Variants in MUCL1 observed in about 807,000 individuals in gnomAD.
The protein encoded by MUCL1 is mucin like 1.
MUCL1 carries 11 observed loss-of-function variants against 9.2 expected under a neutral mutation model. That is an observed-to-expected ratio of 1.19 (90% confidence interval 0.75 to 1.97). The LOEUF (loss-of-function observed/expected upper bound fraction) is 1.97. MUCL1 is among the 30% of genes most tolerant of loss of function. The probability of loss-of-function intolerance (pLI) is 0.00; values close to 1 mark genes in which losing one functional copy is unlikely to be tolerated. For missense variants in MUCL1, 144 were observed against 110.9 expected (o/e 1.30, Z -1.34); for synonymous variants, 48 against 40.5 (o/e 1.19, Z -0.71).
At chr12:54,855,406 G>A in intron 2 of MUCL1, 1 of 467,566 alleles carries the variant, frequency 2.1e-6, no homozygotes, top group Non-Finnish European at 3.9e-6. Context: ...ATTATTCATT[G>A]TTTTCCAGCA....
chr12:54,844,666 G>A (rs777135772), intron 1 of MUCL1, among the ~76,000 whole-genome samples: 46 of 152,216 alleles, frequency 3.0e-4, no homozygotes, highest in African/African-American at 5.8e-4. Context: ...TCTCCCAGCC[G>A]TTAATAACAT....
At chr12:54,835,129 A>G (rs1186040797), upstream of MUCL1, among the ~76,000 whole-genome samples, 1 of 152,094 alleles carries the variant, frequency 6.6e-6, no homozygotes, top group African/African-American at 2.4e-5. Flanking sequence ...GTGTACATAT[A>G]CCACCTTTTC....
At chr12:54,839,368 T>C (rs1408518488), upstream of MUCL1, 1 of 701,564 alleles carries the variant, frequency 1.4e-6, no homozygotes, top group Admixed American at 2.0e-5. Context: ...CTCAGTATTT[T>C]ATTTACTGGA....
chr12:54,854,591 C>A lies in MUCL1; in HGVS notation c.9C>A (p.Phe3Leu), dbSNP rs757636246. Residue 3 changes from phenylalanine to leucine, a missense_variant, in exon 1 of 4, where the codon TTC (phenylalanine) becomes TTA (leucine). Transcript: ENST00000308796. MKFLAVLVLLGVS... is the reference protein window; with the variant it reads MKLLAVLVLLGVS... ...ATCTTCAGGTCACCACCATGAAGTT[C>A]TTAGCAGTCCTGGTACTCTTGGGAG... The A allele has an allele frequency of 6.2e-7, 1 of 1,613,340 alleles. No homozygotes were observed. Among genetic ancestry groups the A allele is most frequent in the Non-Finnish European group, 8.5e-7 (1 of 1,179,526 alleles).
At chr12:54,855,327 T>A (rs1016356302) in intron 2 of MUCL1, 170 bp downstream of exon 2, 2 of 612,184 alleles carry the variant, frequency 3.3e-6, no homozygotes, top group Non-Finnish European at 5.9e-6. Context: ...ACATAGTGAA[T>A]CTGCTTATTT....
intron 3 of MUCL1, among the ~76,000 whole-genome samples, chr12:54,857,446 T>C (rs1592250989): frequency 6.6e-6 from 1 of 152,170 alleles, no homozygotes; most frequent in African/African-American, 2.4e-5. Flanking sequence ...TGAGGATCAA[T>C]GTACATTCCT....
rs1439996201 is a variant in MUCL1, at chr12:54,856,871, A to G, written c.202A>G (p.Thr68Ala). Residue 68 changes from threonine (T) to alanine (A), a missense_variant, in exon 3 of 4, where the codon ACT (threonine) becomes GCT (alanine). Coordinates refer to ENST00000308796, the MANE Select transcript of MUCL1 (RefSeq NM_058173.3). ...PTTATTAAST[T>A]ARKDIPVLPK... The stretch of plus-strand genomic sequence containing the variant: ...CACTGCAACCACCGCTGCTTCTACC[A>G]CTGCTCGTAAAGACATTCCAGGTAG... 6.2e-7 allele frequency: 1 copy of G among 1,613,722 alleles called. No individual in the cohort carries two copies. The highest frequency in any genetic ancestry group is 1.7e-5 in the Admixed American group (1 of 59,944).
intron 1 of MUCL1, among the ~76,000 whole-genome samples, chr12:54,842,799 C>T (rs146223777): frequency 2.8e-4 from 43 of 151,948 alleles, no homozygotes; most frequent in African/African-American, 9.4e-4. Context: ...TTTCTACTTC[C>T]TGCCTGATTG....
At chr12:54,856,115 A>T (rs1213295405) in intron 2 of MUCL1, among the ~76,000 whole-genome samples, 5 of 151,912 alleles carry the variant, frequency 3.3e-5, no homozygotes, top group Admixed American at 1.3e-4. Context: ...TTAATGGGGA[A>T]TTTTTTTACT....
At chr12:54,851,115 G>C (rs1228630071), upstream of MUCL1, among the ~76,000 whole-genome samples, 1 of 152,142 alleles carries the variant, frequency 6.6e-6, no homozygotes, top group South Asian at 2.1e-4. Flanking sequence ...TAGGTTGCCT[G>C]TTCACTCTGA....
upstream of MUCL1, among the ~76,000 whole-genome samples, chr12:54,850,783 A>G (rs1221915240): frequency 6.6e-6 from 1 of 152,216 alleles, no homozygotes; most frequent in Non-Finnish European, 1.5e-5. Context: ...ACAACAGTGT[A>G]AAAGTGTTCC....
At chr12:54,841,171 C>CT (rs1438748012) in intron 1 of MUCL1, among the ~76,000 whole-genome samples, 46 of 152,318 alleles carry the variant, frequency 3.0e-4, no homozygotes, top group African/African-American at 1.1e-3. Context: ...GGGCTTCCTT[C>CT]TTCTTTTAGC....
Sources: allele counts gnomAD v4.1 joint callset (sites outside exome capture counted in the v4.1 genomes callset), GRCh38; gene constraint gnomAD v4.1.1; transcripts MANE v1.5; gene names NCBI Gene and HGNC (gene_info 2026-07-23, HGNC 2026-07-21).